TTC28: variants seen among roughly 807,000 people sequenced by gnomAD.
TTC28 encodes the protein tetratricopeptide repeat domain 28, also known as tetratricopeptide repeat protein 28.
In TTC28, 61 loss-of-function variants were observed where a neutral mutation model predicts 198.0. The ratio of observed to expected loss-of-function variants is 0.31; its 90% CI spans 0.25 to 0.38. The LOEUF (loss-of-function observed/expected upper bound fraction) is 0.38, where lower values mean the gene tolerates loss of function less well. Ranked by LOEUF, TTC28 falls within the 10% of genes least tolerant of loss-of-function variation. The probability of loss-of-function intolerance (pLI) is 1.00; values close to 1 mark genes in which losing one functional copy is unlikely to be tolerated. For synonymous variants in TTC28, 1,171 were observed against 1,297.8 expected, an observed-to-expected ratio of 0.90 and a Z score of 2.10; for missense variants, 2,678 against 3,164.0, an observed-to-expected ratio of 0.85 and a Z score of 3.69.
chr22:28,249,987 A>G (rs1404335008), intron 5 of TTC28, among the ~76,000 whole-genome samples: 1 of 152,212 alleles, frequency 6.6e-6, no homozygotes, highest in Non-Finnish European at 1.5e-5. Flanking sequence ...CTACTTACAT[A>G]TAAAATTTCA....
chr22:28,200,169 G>C (rs1283130589), intron 5 of TTC28, among the ~76,000 whole-genome samples: 1 of 152,104 alleles, frequency 6.6e-6, no homozygotes, highest in Non-Finnish European at 1.5e-5. Context: ...GCGTACTACA[G>C]ACTTGAATTC....
intron 5 of TTC28, among the ~76,000 whole-genome samples, chr22:28,187,107 A>G (rs562259502): frequency 2.7e-4 from 41 of 152,178 alleles, no homozygotes; most frequent in Non-Finnish European, 5.6e-4. Flanking sequence ...TTCATTCTGT[A>G]GTTGTTTATG....
chr22:28,268,938 A>G (rs1375105303), intron 5 of TTC28, among the ~76,000 whole-genome samples: 1 of 152,154 alleles, frequency 6.6e-6, no homozygotes, highest in East Asian at 1.9e-4. Context: ...TATTACTTAA[A>G]AACTTTTTGC....
intron 2 of TTC28, among the ~76,000 whole-genome samples, chr22:28,581,053 C>A (rs908873895): frequency 6.6e-6 from 1 of 152,056 alleles, no homozygotes; most frequent in Non-Finnish European, 1.5e-5. Context: ...TGTGTCTCCA[C>A]GCAAATCTCA....
chr22:28,548,961 C>A (rs572110781), intron 2 of TTC28, among the ~76,000 whole-genome samples: 1 of 152,260 alleles, frequency 6.6e-6, no homozygotes, highest in South Asian at 2.1e-4. Flanking sequence ...AGTCCAAATA[C>A]CATGTTTGAA....
chr22:28,656,826 T>C (rs1601671172), intron 1 of TTC28, among the ~76,000 whole-genome samples: 1 of 152,126 alleles, frequency 6.6e-6, no homozygotes, highest in African/African-American at 2.4e-5. Flanking sequence ...GACGAGTTAA[T>C]GGCTGCAGCA....
chr22:28,670,273 C>A (rs1368789403), intron 1 of TTC28, among the ~76,000 whole-genome samples: 1 of 152,104 alleles, frequency 6.6e-6, no homozygotes, highest in African/African-American at 2.4e-5. Context: ...AGTTTTGCAA[C>A]CATTACCACA....
intron 12 of TTC28, among the ~76,000 whole-genome samples, chr22:28,030,790 C>T (rs939032137): frequency 3.3e-5 from 5 of 152,252 alleles, no homozygotes; most frequent in African/African-American, 1.2e-4. Flanking sequence ...GCAGTCCAGT[C>T]CATTCCAGAA....
rs1481199803 is a variant in TTC28, at chr22:28,675,983, A to G, written c.102+3639T>C. Among the ~76,000 whole-genome samples, 3 of 152,260 alleles carry G rather than the reference A, an allele frequency of 2.0e-5. No homozygotes were observed. In the East Asian group the frequency reaches 5.8e-4, roughly 29 times the overall value. On this transcript the variant is annotated intron_variant, in intron 1 of 22. Coordinates refer to ENST00000397906, the MANE Select transcript of TTC28 (RefSeq NM_001145418.2). ...GTGCCTGTAGTCTTAAACAATTATCATATGACCCAGATAGTCTATTCCTTA... is the reference window on the plus strand; with the variant it reads ...GTGCCTGTAGTCTTAAACAATTATCGTATGACCCAGATAGTCTATTCCTTA...
chr22:28,375,041 T>C (rs1601708837), intron 2 of TTC28, among the ~76,000 whole-genome samples: 1 of 151,696 alleles, frequency 6.6e-6, no homozygotes, highest in East Asian at 1.9e-4. Context: ...TGAGCTATGA[T>C]CCTGGCACTG....
intron 5 of TTC28, among the ~76,000 whole-genome samples, chr22:28,261,499 T>C (rs777153987): frequency 3.3e-5 from 5 of 152,096 alleles, no homozygotes; most frequent in African/African-American, 9.7e-5. Context: ...TTTTATTCTA[T>C]GTGAGATGAG....
intron 12 of TTC28, among the ~76,000 whole-genome samples, chr22:28,037,823 C>T (rs1939430506): frequency 6.6e-6 from 1 of 152,190 alleles, no homozygotes; most frequent in Non-Finnish European, 1.5e-5. Flanking sequence ...AGGAAAGTCT[C>T]AGGATACAAA....
chr22:27,985,533 C>T (rs186471850), intron 21 of TTC28, among the ~76,000 whole-genome samples, 177 bp from the exon 22 acceptor site: 17 of 152,190 alleles, frequency 1.1e-4, no homozygotes, highest in Admixed American at 6.5e-4. Context: ...GCAGAGGGGT[C>T]GGGCTGCCCC....
intron 2 of TTC28, among the ~76,000 whole-genome samples, chr22:28,577,862 G>A (rs1328017595): frequency 3.3e-5 from 5 of 151,932 alleles, no homozygotes; most frequent in Admixed American, 1.3e-4. Flanking sequence ...GTCTTTATAG[G>A]TGAAGTGTGT....
chr22:28,534,609 C>T (rs1286074182), intron 2 of TTC28, among the ~76,000 whole-genome samples: 1 of 152,166 alleles, frequency 6.6e-6, no homozygotes, highest in African/African-American at 2.4e-5. Context: ...ATGACACATG[C>T]ACACGTATGT....
At chr22:28,250,057 T>G (rs1569221239) in intron 5 of TTC28, among the ~76,000 whole-genome samples, 1 of 152,216 alleles carries the variant, frequency 6.6e-6, no homozygotes, top group Non-Finnish European at 1.5e-5. Context: ...TGTAAGCAAT[T>G]GGCAAATCTC....
intron 2 of TTC28, among the ~76,000 whole-genome samples, chr22:28,596,533 T>G (rs1288832210): frequency 1.3e-5 from 2 of 152,208 alleles, no homozygotes; most frequent in Non-Finnish European, 2.9e-5. Flanking sequence ...ACTATTCTAT[T>G]GGTTAGGAAG....
intron 5 of TTC28, among the ~76,000 whole-genome samples, chr22:28,249,348 A>G (rs537438812): frequency 1.5e-4 from 23 of 152,184 alleles, no homozygotes; most frequent in African/African-American, 2.2e-4. Context: ...TGCTCAATAT[A>G]TGTAAGCTCT....
At position 28,527,380 on chromosome 22, in the gene TTC28, T is replaced by A. The variant is rs545489254; in HGVS notation, c.381+102172A>T. Among the ~76,000 whole-genome samples the A allele has an allele frequency of 7.9e-5, 12 of 152,278 alleles. 1 individual carries two copies. Among genetic ancestry groups the A allele is most frequent in the African/African-American group, 2.9e-4 (12 of 41,558 alleles). ...TCCTGCATGCATTAATGCCGCCTCT[T>A]CCTCTGCACTCCCATGTCAGTCATG... On this transcript the variant is annotated intron_variant, in intron 2 of 22. Transcript: ENST00000397906.
Sources: gnomAD v4.1 joint callset for allele counts (sites outside exome capture counted in the v4.1 genomes callset) on GRCh38, gnomAD v4.1.1 for gene constraint, MANE v1.5 for transcripts, NCBI Gene and HGNC (gene_info 2026-07-23, HGNC 2026-07-21) for gene names.